Variants in NBAS observed in about 807,000 individuals in gnomAD.
NBAS encodes NAG/BC035112 fusion.
Under a neutral mutation model 302.5 loss-of-function variants are expected in NBAS, and 219 were observed. The ratio of observed to expected loss-of-function variants is 0.72; its 90% CI spans 0.65 to 0.81. The LOEUF is 0.81. Ranked by LOEUF, NBAS falls within the 30% of genes least tolerant of loss-of-function variation. The pLI is 0.00. For synonymous variants in NBAS, 1,118 were observed against 1,021.6 expected (o/e 1.09, Z -1.80); for missense variants, 2,932 against 2,841.6 (o/e 1.03, Z -0.72).
At chr2:15,034,476 A>C in the NBAS span, among the ~76,000 whole-genome samples, 2 of 152,066 alleles carry the variant, frequency 1.3e-5, no homozygotes, top group Non-Finnish European at 2.9e-5. Flanking sequence ...AACTGTGAAA[A>C]ATAAATTTCT....
chr2:15,202,900 T>C (rs1465537619), intron 48 of NBAS, among the ~76,000 whole-genome samples: 1 of 152,152 alleles, frequency 6.6e-6, no homozygotes. Flanking sequence ...TGAGTTAAAT[T>C]TGATGAAGTT....
rs1230775385 is a variant in NBAS at position 15,553,407 on chromosome 2, GAAT to G, written c.335+16_335+18del. On this transcript the variant is annotated intron_variant, in intron 5 of 51. Transcript: ENST00000281513. Reference sequence around the variant, plus strand: ...ATTTCTCAAAGGAAATCTTGAATATGAATAATATTAACAATTACCTGATTTCCA... The same window carrying G: ...ATTTCTCAAAGGAAATCTTGAATATGAATATTAACAATTACCTGATTTCCA... 1 of 1,589,010 alleles carries G rather than the reference GAAT, an allele frequency of 6.3e-7. No homozygotes were observed. Among genetic ancestry groups the G allele is most frequent in the African/African-American group, 1.3e-5 (1 of 74,326 alleles).
the NBAS span, among the ~76,000 whole-genome samples, chr2:15,066,930 A>G: frequency 6.6e-6 from 1 of 152,322 alleles, no homozygotes; most frequent in African/African-American, 2.4e-5. Flanking sequence ...ATTGTTCACA[A>G]TAGCCAAGAT....
chr2:15,154,220 C>G, the NBAS span, among the ~76,000 whole-genome samples: 1 of 152,218 alleles, frequency 6.6e-6, no homozygotes, highest in South Asian at 2.1e-4. Flanking sequence ...GGTCCAGAGA[C>G]AGTCAATGAA....
chr2:15,395,334 C>T (rs1252340123), intron 27 of NBAS, among the ~76,000 whole-genome samples: 2 of 152,070 alleles, frequency 1.3e-5, no homozygotes, highest in Non-Finnish European at 2.9e-5. Context: ...AATGAATTTA[C>T]ATTGACTCAA....
chr2:14,951,674 A>G, the NBAS span, among the ~76,000 whole-genome samples: 1 of 152,200 alleles, frequency 6.6e-6, no homozygotes, highest in East Asian at 1.9e-4. Flanking sequence ...TTTATTGAAT[A>G]CTGCCTGTAC....
the NBAS span, among the ~76,000 whole-genome samples, chr2:15,000,448 C>A: frequency 1.3e-5 from 2 of 152,144 alleles, no homozygotes; most frequent in East Asian, 3.8e-4. Context: ...CCTCAGAATG[C>A]AGGAACACAA....
Position 15,415,830 on chromosome 2 carries a change from C to T in NBAS, c.2764-111G>A, listed in dbSNP as rs909960934. The stretch of plus-strand genomic sequence containing the variant: ...TACAGGTCCTCAGACTGATGTTAAA[C>T]AGTGCAAACCCAACACTCTAAAACA... On this transcript the variant is annotated intron_variant, in intron 24 of 51. Transcript: ENST00000281513. The T allele has an allele frequency of 5.4e-6, 6 of 1,113,654 alleles. No individual in the cohort carries two copies. In the Admixed American group the frequency reaches 9.2e-5, roughly 17 times the overall value. 69.0% of individuals were successfully genotyped at this position (1,113,654 alleles called of 1,614,324 possible).
At chr2:15,068,784 T>A in the NBAS span, among the ~76,000 whole-genome samples, 1 of 152,168 alleles carries the variant, frequency 6.6e-6, no homozygotes, top group South Asian at 2.1e-4. Flanking sequence ...AAACACAATC[T>A]CTTTATCTAC....
At chr2:14,848,249 G>C in the NBAS span, among the ~76,000 whole-genome samples, 2 of 151,120 alleles carry the variant, frequency 1.3e-5, no homozygotes, top group Non-Finnish European at 2.9e-5. Context: ...AGCAGGGCGA[G>C]GCATTGCCTC....
At chr2:14,813,194 A>AG in the NBAS span, among the ~76,000 whole-genome samples, 365 of 152,290 alleles carry the variant, frequency 2.4e-3, no homozygotes, top group African/African-American at 8.0e-3. Context: ...CTACCAGAAA[A>AG]TGGGGCATTG....
chr2:15,558,108 T>C (rs1310564425), intron 2 of NBAS, among the ~76,000 whole-genome samples: 1 of 152,168 alleles, frequency 6.6e-6, no homozygotes, highest in Non-Finnish European at 1.5e-5. Flanking sequence ...AGGGACTGGT[T>C]TTGTGGAAGA....
At chr2:14,940,090 C>G in the NBAS span, among the ~76,000 whole-genome samples, 1 of 152,056 alleles carries the variant, frequency 6.6e-6, no homozygotes, top group Non-Finnish European at 1.5e-5. Context: ...ACTAGTTTAC[C>G]CCCTACAGTA....
intron 3 of NBAS, 23 bp from the exon 4 acceptor site, chr2:15,554,161 A>G: frequency 6.3e-7 from 1 of 1,599,038 alleles, no homozygotes; most frequent in Non-Finnish European, 8.6e-7. Context: ...CACATTAGTT[A>G]GCTTAAAATC....
At chr2:15,419,660 C>T (rs1001682238) in intron 23 of NBAS, among the ~76,000 whole-genome samples, 3 of 152,040 alleles carry the variant, frequency 2.0e-5, no homozygotes, top group Admixed American at 1.3e-4. Context: ...AATAGTAGGT[C>T]CAAGAAGAAG....
At chr2:15,311,261 CCAAA>C (rs958432002) in intron 38 of NBAS, among the ~76,000 whole-genome samples, 3 of 152,092 alleles carry the variant, frequency 2.0e-5, no homozygotes, top group Non-Finnish European at 2.9e-5. Flanking sequence ...GGTTTTGATG[CCAAA>C]CAAATTATAA....
At chr2:14,800,537 A>G in the NBAS span, among the ~76,000 whole-genome samples, 1 of 152,138 alleles carries the variant, frequency 6.6e-6, no homozygotes, top group Admixed American at 6.5e-5. Flanking sequence ...TATACTTTTT[A>G]CTGATCTATT....
intron 25 of NBAS, among the ~76,000 whole-genome samples, chr2:15,406,010 A>G (rs114559936): frequency 1.1e-3 from 168 of 152,060 alleles, no homozygotes; most frequent in African/African-American, 3.9e-3. Flanking sequence ...TACAAATTCA[A>G]TGCAATCACA....
At chr2:15,400,197 G>A (rs2148424797) in intron 26 of NBAS, among the ~76,000 whole-genome samples, 1 of 151,476 alleles carries the variant, frequency 6.6e-6, no homozygotes, top group South Asian at 2.1e-4. Context: ...ATTCCAAGAA[G>A]GATGTTTCAA....
Sources: allele counts gnomAD v4.1 joint callset (sites outside exome capture counted in the v4.1 genomes callset), GRCh38; gene constraint gnomAD v4.1.1; transcripts MANE v1.5; gene names NCBI Gene and HGNC (gene_info 2026-07-23, HGNC 2026-07-21).